Variants in SLC16A9 observed in about 807,000 individuals in gnomAD.
SLC16A9 encodes monocarboxylate transporter 9.
In SLC16A9, 26 loss-of-function variants were observed where a neutral mutation model predicts 44.3. That is an observed-to-expected ratio of 0.59 (90% CI 0.43 to 0.81). The LOEUF is 0.81. Among genes scored for constraint, SLC16A9 ranks in the 40% least tolerant of loss-of-function variants. The pLI is 0.00. For synonymous variants in SLC16A9, 230 were observed against 225.1 expected (o/e 1.02, Z -0.19); for missense variants, 559 against 595.8 (o/e 0.94, Z 0.64).
intron 1 of SLC16A9, among the ~76,000 whole-genome samples, chr10:59,696,916 C>T (rs1228452503): frequency 2.5e-5 from 2 of 79,098 alleles, no homozygotes; most frequent in Admixed American, 1.4e-4. Flanking sequence ...GACAGCCACC[C>T]CGTCCGGGAG....
At chr10:59,684,594 C>T (rs1840093174) in intron 1 of SLC16A9, among the ~76,000 whole-genome samples, 1 of 152,062 alleles carries the variant, frequency 6.6e-6, no homozygotes, top group African/African-American at 2.4e-5. Flanking sequence ...TGTCCACCTT[C>T]ACCAGATTCC....
chr10:59,685,934 T>C (rs181465457), intron 1 of SLC16A9, among the ~76,000 whole-genome samples: 1 of 152,028 alleles, frequency 6.6e-6, no homozygotes, highest in Admixed American at 6.6e-5. Context: ...AATTTCTTGG[T>C]TTTAAAATAG....
chr10:59,701,270 G>A (rs574366640), intron 1 of SLC16A9, among the ~76,000 whole-genome samples: 7 of 152,226 alleles, frequency 4.6e-5, no homozygotes, highest in African/African-American at 1.2e-4. Context: ...TCTTTTCTGC[G>A]AATGCCTGGA....
intron 1 of SLC16A9, among the ~76,000 whole-genome samples, chr10:59,693,879 AG>A (rs1840308224): frequency 6.6e-6 from 1 of 150,694 alleles, no homozygotes; most frequent in Non-Finnish European, 1.5e-5. Context: ...TGCCTCCCAA[AG>A]TGCTGGGATT....
intron 5 of SLC16A9, among the ~76,000 whole-genome samples, chr10:59,653,425 C>CAATAAAA (rs1839259594): frequency 2.7e-5 from 1 of 36,764 alleles, no homozygotes; most frequent in South Asian, 2.5e-3. Context: ...AACTCCGTCT[C>CAATAAAA]AAAAAAAAAA....
intron 1 of SLC16A9, among the ~76,000 whole-genome samples, chr10:59,687,274 AT>A (rs1840155803): frequency 7.9e-5 from 12 of 152,256 alleles, no homozygotes; most frequent in Admixed American, 7.8e-4. Context: ...AAAAGTATAC[AT>A]TTTTGTCTTG....
chr10:59,672,255 T>C (rs1839766952), intron 3 of SLC16A9, among the ~76,000 whole-genome samples: 1 of 152,184 alleles, frequency 6.6e-6, no homozygotes, highest in Admixed American at 6.5e-5. Flanking sequence ...CTTTCTTCAC[T>C]CATGTCTTAT....
chr10:59,700,325 G>C (rs1037179556), intron 1 of SLC16A9, among the ~76,000 whole-genome samples: 1 of 152,254 alleles, frequency 6.6e-6, no homozygotes, highest in African/African-American at 2.4e-5. Flanking sequence ...TGCTGACTTT[G>C]TCTCATAAGC....
chr10:59,677,041 CAGTA>C (rs1239185148), intron 2 of SLC16A9, among the ~76,000 whole-genome samples: 3 of 127,030 alleles, frequency 2.4e-5, no homozygotes, highest in African/African-American at 8.9e-5. Flanking sequence ...AAATGCAAGA[CAGTA>C]AGAAGATAAT....
chr10:59,650,846 GC>G lies in SLC16A9; in HGVS notation c.*1925del, dbSNP rs1839179310. On this transcript the variant is annotated 3_prime_UTR_variant, in exon 6 of 6. Transcript: ENST00000395348. ...TAACGCCCACATTGGATGTTATTTA[GC>G]AGACATAGTGAAGATGCCTTTGGAC... is the stretch of plus-strand genomic sequence containing the variant. 1.3e-5 allele frequency: 2 copies of G among 152,154 alleles called. No homozygotes were observed. The highest frequency in any genetic ancestry group is 2.9e-5 in the Non-Finnish European group (2 of 68,024). The allele number at this position is 152,154 out of a possible 1,614,324, so 9.4% of individuals were successfully genotyped here.
At chr10:59,704,693 C>T (rs948494242) in intron 1 of SLC16A9, among the ~76,000 whole-genome samples, 9 of 152,240 alleles carry the variant, frequency 5.9e-5, no homozygotes, top group African/African-American at 2.2e-4. Flanking sequence ...TTACCAGGGT[C>T]ACTGGACTGC....
chr10:59,701,369 C>G (rs1479956743), intron 1 of SLC16A9, among the ~76,000 whole-genome samples: 2 of 152,196 alleles, frequency 1.3e-5, no homozygotes, highest in Admixed American at 1.3e-4. Flanking sequence ...ATCCATCTTC[C>G]TAAACCGTGG....
At chr10:59,653,424 T>TGAAAAAAAA (rs1564693193) in intron 5 of SLC16A9, among the ~76,000 whole-genome samples, 1 of 776 alleles carries the variant, frequency 1.3e-3, no homozygotes, top group Non-Finnish European at 0.015. Context: ...AAACTCCGTC[T>TGAAAAAAAA]CAAAAAAAAA....
intron 2 of SLC16A9, among the ~76,000 whole-genome samples, chr10:59,675,709 AG>A (rs1433670667): frequency 1.3e-5 from 2 of 152,232 alleles, no homozygotes; most frequent in Non-Finnish European, 2.9e-5. Context: ...GCACAGCCTC[AG>A]TAAACACACT....
intron 1 of SLC16A9, among the ~76,000 whole-genome samples, chr10:59,696,429 G>A (rs1183568902): frequency 6.6e-6 from 1 of 152,328 alleles, no homozygotes; most frequent in East Asian, 1.9e-4. Context: ...AGGCTGGAGT[G>A]CAGTGGCGTG....
At chr10:59,699,600 T>A (rs1840476547) in intron 1 of SLC16A9, among the ~76,000 whole-genome samples, 1 of 152,172 alleles carries the variant, frequency 6.6e-6, no homozygotes, top group African/African-American at 2.4e-5. Context: ...ATTTACCTCA[T>A]CAGATTGTGG....
intron 4 of SLC16A9, among the ~76,000 whole-genome samples, chr10:59,658,525 G>C (rs986674369): frequency 6.6e-6 from 1 of 152,208 alleles, no homozygotes; most frequent in African/African-American, 2.4e-5. Context: ...AAACTAGACA[G>C]TGTGGATCCA....
At chr10:59,678,361 A>T (rs1839904855) in intron 2 of SLC16A9, among the ~76,000 whole-genome samples, 1 of 151,324 alleles carries the variant, frequency 6.6e-6, no homozygotes, top group Non-Finnish European at 1.5e-5. Context: ...AAAGACTGTA[A>T]ATCTCAAGTT....
At chr10:59,679,277 AG>A (rs1341100938) in intron 2 of SLC16A9, among the ~76,000 whole-genome samples, 1 of 152,202 alleles carries the variant, frequency 6.6e-6, no homozygotes, top group Non-Finnish European at 1.5e-5. Context: ...AGGCCATGAT[AG>A]CTCTCTAGTT....
Sources: allele counts gnomAD v4.1 joint callset (sites outside exome capture counted in the v4.1 genomes callset), GRCh38; gene constraint gnomAD v4.1.1; transcripts MANE v1.5; gene names NCBI Gene and HGNC (gene_info 2026-07-23, HGNC 2026-07-21).